Variants in NRXN1 observed in about 807,000 individuals in gnomAD.
NRXN1 encodes the protein neurexin-1.
Under a neutral mutation model 150.9 loss-of-function variants are expected in NRXN1, and 39 were observed. The ratio of observed to expected loss-of-function variants is 0.26; its 90% CI spans 0.20 to 0.34. NRXN1 has a LOEUF of 0.34. Ranked by LOEUF, NRXN1 falls within the 10% of genes least tolerant of loss-of-function variation. NRXN1 has a pLI of 1.00. For synonymous variants in NRXN1, 924 were observed against 757.0 expected (o/e 1.22, Z -3.62); for missense variants, 1,815 against 1,949.9 (o/e 0.93, Z 1.30).
intron 5 of NRXN1, among the ~76,000 whole-genome samples, chr2:50,683,646 A>AAAAAAAAAAAAAAAAAAAAT: frequency 6.7e-5 from 1 of 14,908 alleles, no homozygotes; most frequent in African/African-American, 3.6e-4. Flanking sequence ...AAAAAAAAAA[A>AAAAAAAAAAAAAAAAAAAAT]ATATATATAT....
intron 2 of NRXN1, among the ~76,000 whole-genome samples, chr2:50,951,963 ATTTTTTTT>A (rs1295565122): frequency 1.3e-5 from 1 of 74,816 alleles, no homozygotes; most frequent in East Asian, 5.0e-4. Context: ...ATATATATAT[ATTTTTTTT>A]TTTTTTTTTT....
intron 2 of NRXN1, among the ~76,000 whole-genome samples, chr2:50,936,124 T>C (rs899525874): frequency 6.6e-6 from 1 of 152,142 alleles, no homozygotes; most frequent in Non-Finnish European, 1.5e-5. Flanking sequence ...GAGCTGTTGT[T>C]TGGAAAATAA....
intron 5 of NRXN1, among the ~76,000 whole-genome samples, chr2:50,669,057 A>G (rs1688465727): frequency 6.6e-6 from 1 of 151,932 alleles, no homozygotes; most frequent in Non-Finnish European, 1.5e-5. Flanking sequence ...CGCAGGAGAA[A>G]TGGGAGGGGA....
intron 5 of NRXN1, among the ~76,000 whole-genome samples, chr2:50,744,530 T>G (rs1699792063): frequency 6.6e-6 from 1 of 152,160 alleles, no homozygotes; most frequent in South Asian, 2.1e-4. Flanking sequence ...ATATACATAG[T>G]TTTTCATATG....
At chr2:50,793,750 G>A (rs1189074072) in intron 5 of NRXN1, among the ~76,000 whole-genome samples, 3 of 151,998 alleles carry the variant, frequency 2.0e-5, no homozygotes, top group Non-Finnish European at 4.4e-5. Context: ...AAATTCCTTG[G>A]TCTTGTGGAC....
At chr2:50,747,284 G>T (rs1700131943) in intron 5 of NRXN1, among the ~76,000 whole-genome samples, 3 of 152,098 alleles carry the variant, frequency 2.0e-5, no homozygotes, top group Non-Finnish European at 2.9e-5. Flanking sequence ...AGTTTACTTG[G>T]TATGTTCTTG....
At chr2:50,094,232 C>T (rs1452782) in intron 18 of NRXN1, among the ~76,000 whole-genome samples, 124,097 of 152,208 alleles carry the variant, frequency 0.82, 51,074 homozygotes, top group African/African-American at 0.93. Flanking sequence ...CAAAATGAAG[C>T]ATAAAGTTAC....
intron 5 of NRXN1, among the ~76,000 whole-genome samples, chr2:50,904,398 C>A (rs143715790): frequency 3.3e-5 from 5 of 152,090 alleles, no homozygotes; most frequent in Admixed American, 6.6e-5. Context: ...ATAGTCCATA[C>A]GTGAATTTTA....
At chr2:50,022,183 C>T (rs1393594819) in intron 21 of NRXN1, among the ~76,000 whole-genome samples, 2 of 151,848 alleles carry the variant, frequency 1.3e-5, no homozygotes, top group East Asian at 1.9e-4. Context: ...GAGATTTCAC[C>T]GTGTTAGCCA....
Position 50,346,809 on chromosome 2 carries a change from C to G in NRXN1, c.3365-109839G>C. 1 of 1,613,212 alleles carries G rather than the reference C, an allele frequency of 6.2e-7. No homozygotes were observed. Among genetic ancestry groups the G allele is most frequent in the Non-Finnish European group, 8.5e-7 (1 of 1,179,826 alleles). On this transcript the variant is annotated intron_variant, in intron 17 of 22. Transcript: ENST00000401669. The surrounding 1 kb of genome is among the most constrained non-coding windows in gnomAD (Gnocchi z 5.0). Reference sequence around the variant, plus strand: ...CTCCCAAACTGGATGCCCCCCACGCCACTCCTAGGAGGCCGCTGAGGGTGA... The same window carrying G: ...CTCCCAAACTGGATGCCCCCCACGCGACTCCTAGGAGGCCGCTGAGGGTGA...
At chr2:50,076,879 C>A (rs1203045412) in intron 19 of NRXN1, among the ~76,000 whole-genome samples, 1 of 152,180 alleles carries the variant, frequency 6.6e-6, no homozygotes, top group Non-Finnish European at 1.5e-5. Flanking sequence ...CCAGTGGTAT[C>A]ACAACCTTAG....
intron 17 of NRXN1, among the ~76,000 whole-genome samples, chr2:50,450,344 C>T (rs2093112948): frequency 6.6e-6 from 1 of 151,410 alleles, no homozygotes; most frequent in African/African-American, 2.4e-5. Context: ...ATCTTATTAA[C>T]AGTATATTTA....
chr2:50,461,295 CA>C lies in NRXN1; in HGVS notation c.3364+4146del, dbSNP rs2088180755. The stretch of plus-strand genomic sequence containing the variant: ...CAGCCTTTTAATAAAACAGCACCCA[CA>C]CCCTCCTAAGCTGTAGCACCAAAAT... On this transcript the variant is annotated intron_variant, in intron 17 of 22. Transcript: ENST00000401669. Among the ~76,000 whole-genome samples the C allele has an allele frequency of 5.3e-5, 8 of 152,094 alleles. No individual in the cohort carries two copies. The South Asian group carries it at 1.7e-3, about 31-fold the overall frequency.
intron 5 of NRXN1, 36 bp from the exon 6 acceptor site, chr2:50,623,651 A>C (rs750328854): frequency 6.8e-7 from 1 of 1,472,624 alleles, no homozygotes; most frequent in Non-Finnish European, 9.4e-7. Flanking sequence ...ATAAGTAAAC[A>C]AATACACTAT....
At chr2:50,416,099 A>C (rs1464200476) in intron 17 of NRXN1, among the ~76,000 whole-genome samples, 1 of 152,076 alleles carries the variant, frequency 6.6e-6, no homozygotes, top group African/African-American at 2.4e-5. Flanking sequence ...CCTTCCCTCA[A>C]AGAGCTTATA....
chr2:50,293,901 A>G (rs1199107750), intron 17 of NRXN1, among the ~76,000 whole-genome samples: 1 of 152,128 alleles, frequency 6.6e-6, no homozygotes, highest in Non-Finnish European at 1.5e-5. Flanking sequence ...TCACATTCCT[A>G]TTTTTCACAG....
In NRXN1 at chr2:50,346,584, T is replaced by G; in HGVS notation, c.3365-109614A>C. ...CAAGCACACCCAAATGCACCTCCCTTTTGTCGAGCTCCCATTTCTCTGAGC... is the reference window on the plus strand; with the variant it reads ...CAAGCACACCCAAATGCACCTCCCTGTTGTCGAGCTCCCATTTCTCTGAGC... On this transcript the variant is annotated intron_variant, in intron 17 of 22. Coordinates refer to ENST00000401669, the MANE Select transcript of NRXN1 (RefSeq NM_001330078.2). This position sits in a 1 kb window ranked among gnomAD's most constrained non-coding sequence, Gnocchi z 5.0. The G allele has an allele frequency of 1.9e-5, 22 of 1,186,532 alleles. No homozygotes were observed. Among genetic ancestry groups the G allele is most frequent in the East Asian group, 2.5e-5 (1 of 39,796 alleles). 73.5% of individuals were successfully genotyped at this position (1,186,532 alleles called of 1,614,324 possible).
chr2:50,667,896 T>C (rs935970830), intron 5 of NRXN1, among the ~76,000 whole-genome samples: 6 of 152,040 alleles, frequency 3.9e-5, no homozygotes, highest in Non-Finnish European at 8.8e-5. Context: ...TTCTCATTAC[T>C]TACATTTGTA....
At chr2:51,031,779 C>T (rs887519497) in intron 1 of NRXN1, among the ~76,000 whole-genome samples, 3 of 151,992 alleles carry the variant, frequency 2.0e-5, no homozygotes, top group Non-Finnish European at 1.5e-5. Context: ...AAGTTACTAC[C>T]CCAGTTCCAC....
Sources: gnomAD v4.1 joint callset for allele counts (sites outside exome capture counted in the v4.1 genomes callset) on GRCh38, gnomAD v4.1.1 for gene constraint, Gnocchi (gnomAD v3.1) non-coding constraint, MANE v1.5 for transcripts, NCBI Gene and HGNC (gene_info 2026-07-23, HGNC 2026-07-21) for gene names.